Variants in SOX4 observed in about 807,000 individuals in gnomAD.
SOX4 encodes SRY-box transcription factor 4, also known as transcription factor SOX-4.
For synonymous variants in SOX4, 465 were observed against 348.4 expected (o/e 1.33, Z -3.73); for missense variants, 662 against 694.9 (o/e 0.95, Z 0.53).
chr6:21,595,435 G>A lies in SOX4; in HGVS notation c.901G>A (p.Gly301Ser), dbSNP rs1763119161. The change falls in exon 1 of 1, where the codon GGC (glycine) becomes AGC (serine). Residue 301 changes from glycine to serine, a missense_variant. By Grantham distance (56) the Gly-to-Ser change is moderately conservative (BLOSUM62 0). Transcript: ENST00000244745. ...GGTGAAGCGCGTCTACCTGTTCGGCGGCCTGGGCACGTCGTCGTCGCCCGT... is the reference window on the plus strand; with the variant it reads ...GGTGAAGCGCGTCTACCTGTTCGGCAGCCTGGGCACGTCGTCGTCGCCCGT... ...KKVKRVYLFG[G>S]LGTSSSPVGG... 1 of 1,518,024 alleles carries A rather than the reference G, an allele frequency of 6.6e-7. No homozygotes were observed. Among genetic ancestry groups the A allele is most frequent in the Non-Finnish European group, 8.8e-7 (1 of 1,140,288 alleles). The allele number at this position is 1,518,024 out of a possible 1,614,324, so 94.0% of individuals were successfully genotyped here.
chr6:21,594,639 G>A lies in SOX4; in HGVS notation c.105G>A (p.Thr35=). Residue 35 remains threonine, a synonymous_variant, in exon 1 of 1, where the codon ACG becomes ACA. Coordinates refer to ENST00000244745, the MANE Select transcript of SOX4 (RefSeq NM_003107.3). ...GLELGIASSP[T]PGSTASTGGK... is the part of the protein sequence containing the mutation. ...AGCTGGGAATCGCCTCCTCCCCCAC[G>A]CCCGGCTCCACCGCCTCCACGGGCG... 1.9e-6 allele frequency: 3 copies of A among 1,604,182 alleles called. No individual in the cohort carries two copies. Among genetic ancestry groups the A allele is most frequent in the Non-Finnish European group, 2.6e-6 (3 of 1,176,260 alleles).
At position 21,598,164 on chromosome 6, in the gene SOX4, C is replaced by CA. The variant is rs1446053588; in HGVS notation, c.*2205_*2206insA. Reference sequence around the variant, plus strand: ...CTGCGTTTTTCATTCTTGTATTTGACTATTTAATCCTTTCTACTTGTCGCT... The same window carrying CA: ...CTGCGTTTTTCATTCTTGTATTTGACATATTTAATCCTTTCTACTTGTCGCT... On this transcript the variant is annotated 3_prime_UTR_variant, in exon 1 of 1. Coordinates refer to ENST00000244745, the MANE Select transcript of SOX4 (RefSeq NM_003107.3). 1 of 166,834 alleles carries CA rather than the reference C, an allele frequency of 6.0e-6. No homozygotes were observed. Among genetic ancestry groups the CA allele is most frequent in the Non-Finnish European group, 1.5e-5 (1 of 68,110 alleles). 10.3% of individuals were successfully genotyped at this position (166,834 alleles called of 1,614,324 possible). A position where few individuals can be genotyped will look rare whatever the true frequency, so the allele number is the denominator to read the frequency against.
rs1433352445 is a variant in SOX4 at position 21,595,161 on chromosome 6, T to G, written c.627T>G (p.Gly209=). The G allele has an allele frequency of 7.5e-7, 1 of 1,325,284 alleles. No individual in the cohort carries two copies. The highest frequency in any genetic ancestry group is 9.5e-7 in the Non-Finnish European group (1 of 1,047,836). 82.1% of individuals were successfully genotyped at this position (1,325,284 alleles called of 1,614,324 possible). A position where few individuals can be genotyped will look rare whatever the true frequency, so the allele number is the denominator to read the frequency against. Residue 209 remains glycine (G), a synonymous_variant, in exon 1 of 1, where the codon GGT becomes GGG. Transcript: ENST00000244745. ...CGSKVAGGAG[G]GVSKPHAKLI... is the part of the protein sequence containing the mutation. The stretch of plus-strand genomic sequence containing the variant: ...CCAAAGTGGCGGGCGGCGCGGGCGG[T>G]GGGGTTAGCAAACCGCACGCCAAGC...
At position 21,595,071 on chromosome 6, in the gene SOX4, A is replaced by C. The variant is rs1323132281; in HGVS notation, c.537A>C (p.Gly179=). 17 of 1,409,810 alleles carry C rather than the reference A, an allele frequency of 1.2e-5. No individual in the cohort carries two copies. In the African/African-American group the frequency reaches 2.3e-4, roughly 19 times the overall value. 87.3% of individuals were successfully genotyped at this position (1,409,810 alleles called of 1,614,324 possible). The part of the protein sequence containing the change: ...GGGGGSSNAG[G]GGGGASGGGA... ...GCGGCGGGAGCAGCAACGCGGGGGG[A>C]GGAGGCGGCGGTGCGAGTGGCGGCG... The change falls in exon 1 of 1, where the codon GGA becomes GGC. Residue 179 remains glycine (G), a synonymous_variant. Coordinates refer to ENST00000244745, the MANE Select transcript of SOX4 (RefSeq NM_003107.3).
At position 21,594,466 on chromosome 6, in the gene SOX4, G is replaced by A; in HGVS notation, c.-69G>A. On this transcript the variant is annotated 5_prime_UTR_variant, in exon 1 of 1. Coordinates refer to ENST00000244745, the MANE Select transcript of SOX4 (RefSeq NM_003107.3). ...GTGTGCTTGGCCCGGGGAACCGGGA[G>A]GGCCCGGCGATCGCGCGGCGGCCGC... The A allele has an allele frequency of 1.5e-6, 2 of 1,349,320 alleles. No homozygotes were observed. The highest frequency in any genetic ancestry group is 3.1e-5 in the East Asian group (1 of 32,496). The allele number at this position is 1,349,320 out of a possible 1,614,324, so 83.6% of individuals were successfully genotyped here. A position where few individuals can be genotyped will look rare whatever the true frequency, so the allele number is the denominator to read the frequency against.
In SOX4 at chr6:21,595,064, C is replaced by CGGG. The variant is rs1312705207; in HGVS notation, c.534_536dup (p.Gly183dup). On this transcript the variant is annotated inframe_insertion, in exon 1 of 1. Transcript: ENST00000244745. ...GGCGGCGGCGGCGGGAGCAGCAACGCGGGGGGAGGAGGCGGCGGTGCGAGT... is the reference window on the plus strand; with the variant it reads ...GGCGGCGGCGGCGGGAGCAGCAACGCGGGGGGGGGAGGAGGCGGCGGTGCGAGT... The CGGG allele has an allele frequency of 7.1e-7, 1 of 1,415,442 alleles. No individual in the cohort carries two copies. The highest frequency in any genetic ancestry group is 3.3e-5 in the Admixed American group (1 of 30,682). 87.7% of individuals were successfully genotyped at this position (1,415,442 alleles called of 1,614,324 possible). A position where few individuals can be genotyped will look rare whatever the true frequency, so the allele number is the denominator to read the frequency against.
Position 21,595,184 on chromosome 6 carries a change from A to T in SOX4, c.650A>T (p.Lys217Met). The T allele has an allele frequency of 8.0e-7, 1 of 1,252,190 alleles. No individual in the cohort carries two copies. Among genetic ancestry groups the T allele is most frequent in the African/African-American group, 1.6e-5 (1 of 63,274 alleles). 77.6% of individuals were successfully genotyped at this position (1,252,190 alleles called of 1,614,324 possible). A position where few individuals can be genotyped will look rare whatever the true frequency, so the allele number is the denominator to read the frequency against. ...GGTGGGGTTAGCAAACCGCACGCCAAGCTCATCCTGGCAGGCGGCGGCGGC... is the reference window on the plus strand; with the variant it reads ...GGTGGGGTTAGCAAACCGCACGCCATGCTCATCCTGGCAGGCGGCGGCGGC... ...AGGGVSKPHA[K>M]LILAGGGGGG... The change falls in exon 1 of 1, where the codon AAG becomes ATG. Residue 217 changes from lysine (K) to methionine (M), a missense_variant. Coordinates refer to ENST00000244745, the MANE Select transcript of SOX4 (RefSeq NM_003107.3).
At position 21,597,525 on chromosome 6, in the gene SOX4, T is replaced by TTTC. The variant is rs1763197412; in HGVS notation, c.*1568_*1569insCTT. ...TTCCTTTTTTTCTTTTTTTTTTCTT[T>TTTC]TTTTTTTTTTTTTTTTGGTAGTTGT... On this transcript the variant is annotated 3_prime_UTR_variant, in exon 1 of 1. Coordinates refer to ENST00000244745, the MANE Select transcript of SOX4 (RefSeq NM_003107.3). The TTTC allele has an allele frequency of 1.2e-5, 1 of 84,982 alleles. No individual in the cohort carries two copies. The highest frequency in any genetic ancestry group is 4.2e-5 in the African/African-American group (1 of 23,618). 5.3% of individuals were successfully genotyped at this position (84,982 alleles called of 1,614,324 possible). A position where few individuals can be genotyped will look rare whatever the true frequency, so the allele number is the denominator to read the frequency against.
chr6:21,596,218 G>C lies in SOX4; in HGVS notation c.*259G>C. On this transcript the variant is annotated 3_prime_UTR_variant, in exon 1 of 1. Transcript: ENST00000244745. The stretch of plus-strand genomic sequence containing the variant: ...GCCGGAGGGACGCGGAGGAGGAAGA[G>C]GGTAGACAGGGGCGACCTGTGATTG... 2.6e-6 allele frequency: 1 copy of C among 390,368 alleles called. No individual in the cohort carries two copies. The highest frequency in any genetic ancestry group is 4.6e-6 in the Non-Finnish European group (1 of 215,532). The allele number at this position is 390,368 out of a possible 1,614,324, so 24.2% of individuals were successfully genotyped here. A position where few individuals can be genotyped will look rare whatever the true frequency, so the allele number is the denominator to read the frequency against.
In SOX4 at chr6:21,598,164, C is replaced by G. The variant is rs1261911607; in HGVS notation, c.*2205C>G. ...CTGCGTTTTTCATTCTTGTATTTGA[C>G]TATTTAATCCTTTCTACTTGTCGCT... On this transcript the variant is annotated 3_prime_UTR_variant, in exon 1 of 1. Coordinates refer to ENST00000244745, the MANE Select transcript of SOX4 (RefSeq NM_003107.3). The G allele has an allele frequency of 1.8e-5, 3 of 166,834 alleles. No individual in the cohort carries two copies. The Admixed American group carries it at 2.0e-4, about 11-fold the overall frequency. The allele number at this position is 166,834 out of a possible 1,614,324, so 10.3% of individuals were successfully genotyped here.
rs1355011275 is a variant in SOX4, at chr6:21,595,143, G to GGCGGGCGGC, written c.618_626dup (p.Ala207_Gly209dup). ...AGAAAAAGAGCTGCGGCTCCAAAGT[G>GGCGGGCGGC]GCGGGCGGCGCGGGCGGTGGGGTTA... On this transcript the variant is annotated inframe_insertion, in exon 1 of 1. Transcript: ENST00000244745. 9.7e-6 allele frequency: 13 copies of GGCGGGCGGC among 1,344,946 alleles called. No homozygotes were observed. Among genetic ancestry groups the GGCGGGCGGC allele is most frequent in the South Asian group, 4.0e-5 (2 of 50,194 alleles). 83.3% of individuals were successfully genotyped at this position (1,344,946 alleles called of 1,614,324 possible). A position where few individuals can be genotyped will look rare whatever the true frequency, so the allele number is the denominator to read the frequency against.
rs1763147801 is a variant in SOX4 at position 21,596,094 on chromosome 6, C to T, written c.*135C>T. ...AGAAAGAAAAAGTAAGCAGGGCTGG[C>T]TTCGCCCGCGTTCTCGTCGTCGGAT... On this transcript the variant is annotated 3_prime_UTR_variant, in exon 1 of 1. Coordinates refer to ENST00000244745, the MANE Select transcript of SOX4 (RefSeq NM_003107.3). 7 of 1,336,112 alleles carry T rather than the reference C, an allele frequency of 5.2e-6. No homozygotes were observed. The South Asian group carries it at 1.1e-4, about 21-fold the overall frequency. The allele number at this position is 1,336,112 out of a possible 1,614,324, so 82.8% of individuals were successfully genotyped here.
chr6:21,597,787 TCA>T lies in SOX4; in HGVS notation c.*1833_*1834del, dbSNP rs1379291205. 1.8e-5 allele frequency: 3 copies of T among 167,042 alleles called. No homozygotes were observed. Among genetic ancestry groups the T allele is most frequent in the African/African-American group, 4.8e-5 (2 of 41,438 alleles). The allele number at this position is 167,042 out of a possible 1,614,324, so 10.3% of individuals were successfully genotyped here. On this transcript the variant is annotated 3_prime_UTR_variant, in exon 1 of 1. Transcript: ENST00000244745. ...TATAACAGGGCGGCTGGTTAATATC[TCA>T]CACAGTTTAAAAAATCAGCCCCTAA...
chr6:21,595,308 G>T lies in SOX4; in HGVS notation c.774G>T (p.Ser258=), dbSNP rs1174206427. The T allele has an allele frequency of 2.7e-6, 4 of 1,459,602 alleles. No individual in the cohort carries two copies. The highest frequency in any genetic ancestry group is 2.4e-4 in the Middle Eastern group (1 of 4,244). The allele number at this position is 1,459,602 out of a possible 1,614,324, so 90.4% of individuals were successfully genotyped here. Residue 258 remains serine (S), a synonymous_variant, in exon 1 of 1, where the codon TCG becomes TCT. Coordinates refer to ENST00000244745, the MANE Select transcript of SOX4 (RefSeq NM_003107.3). ...TGGGCGCCGCCGCCGACCACCACTC[G>T]CTGTACAAGGCGCGGACTCCCAGCG... is the stretch of plus-strand genomic sequence containing the variant. ...LPLGAAADHH[S]LYKARTPSAS... is the part of the protein sequence containing the mutation.
Position 21,595,164 on chromosome 6 carries a change from G to A in SOX4, c.630G>A (p.Gly210=). ...GSKVAGGAGG[G]VSKPHAKLIL... ...AAGTGGCGGGCGGCGCGGGCGGTGG[G>A]GTTAGCAAACCGCACGCCAAGCTCA... The change falls in exon 1 of 1, where the codon GGG becomes GGA. Residue 210 remains glycine (G), a synonymous_variant. Transcript: ENST00000244745. 7.6e-7 allele frequency: 1 copy of A among 1,317,408 alleles called. No individual in the cohort carries two copies. The highest frequency in any genetic ancestry group is 9.6e-7 in the Non-Finnish European group (1 of 1,042,304). 81.6% of individuals were successfully genotyped at this position (1,317,408 alleles called of 1,614,324 possible).
rs1046242085 is a variant in SOX4 at position 21,594,254 on chromosome 6, T to C, written c.-281T>C. On this transcript the variant is annotated 5_prime_UTR_variant, in exon 1 of 1. Coordinates refer to ENST00000244745, the MANE Select transcript of SOX4 (RefSeq NM_003107.3). ...CAGACTCAGCCGAGAGACAGCAAACTGCAGCGCGGTGAGAGAGCGAGAGAG... is the reference window on the plus strand; with the variant it reads ...CAGACTCAGCCGAGAGACAGCAAACCGCAGCGCGGTGAGAGAGCGAGAGAG... The C allele has an allele frequency of 8.7e-6, 3 of 344,728 alleles. No individual in the cohort carries two copies. Among genetic ancestry groups the C allele is most frequent in the African/African-American group, 2.1e-5 (1 of 46,744 alleles). The allele number at this position is 344,728 out of a possible 1,614,324, so 21.4% of individuals were successfully genotyped here. A position where few individuals can be genotyped will look rare whatever the true frequency, so the allele number is the denominator to read the frequency against.
In SOX4 at chr6:21,594,331, G is replaced by T; in HGVS notation, c.-204G>T. ...GAACTATAACTCCTCTGCGAGAGGC[G>T]GAGAACTCCTTCCCCAAATCTTTTG... On this transcript the variant is annotated 5_prime_UTR_variant, in exon 1 of 1. Transcript: ENST00000244745. 2.0e-6 allele frequency: 1 copy of T among 505,266 alleles called. No individual in the cohort carries two copies. Among genetic ancestry groups the T allele is most frequent in the Non-Finnish European group, 3.1e-6 (1 of 317,988 alleles). 31.3% of individuals were successfully genotyped at this position (505,266 alleles called of 1,614,324 possible).
chr6:21,595,990 G>GT lies in SOX4; in HGVS notation c.*31_*32insT, dbSNP rs1270229207. 1.4e-6 allele frequency: 2 copies of GT among 1,471,052 alleles called. No individual in the cohort carries two copies. The highest frequency in any genetic ancestry group is 1.4e-5 in the African/African-American group (1 of 69,278). 91.1% of individuals were successfully genotyped at this position (1,471,052 alleles called of 1,614,324 possible). A position where few individuals can be genotyped will look rare whatever the true frequency, so the allele number is the denominator to read the frequency against. On this transcript the variant is annotated 3_prime_UTR_variant, in exon 1 of 1. Coordinates refer to ENST00000244745, the MANE Select transcript of SOX4 (RefSeq NM_003107.3). ...GCGCAGGCAGGGAGAAGGGCCGGGG[G>GT]GGGTAGGAGAGGAGAAAAAAAAAGT...
At position 21,596,683 on chromosome 6, in the gene SOX4, C is replaced by T. The variant is rs959699244; in HGVS notation, c.*724C>T. On this transcript the variant is annotated 3_prime_UTR_variant, in exon 1 of 1. Transcript: ENST00000244745. ...GAGATGTTGAGGGGAGGAGGCCAGC[C>T]AGTGTGACCGGCGCTAGGAAATGAC... 3 of 167,282 alleles carry T rather than the reference C, an allele frequency of 1.8e-5. No individual in the cohort carries two copies. The highest frequency in any genetic ancestry group is 7.2e-5 in the African/African-American group (3 of 41,530). 10.4% of individuals were successfully genotyped at this position (167,282 alleles called of 1,614,324 possible).
Sources: gnomAD v4.1 joint callset for allele counts on GRCh38, gnomAD v4.1.1 for gene constraint, MANE v1.5 for transcripts, NCBI Gene and HGNC (gene_info 2026-07-23, HGNC 2026-07-21) for gene names.